The following UNCX variants were observed in gnomAD, a reference collection of about 807,000 sequenced individuals.
UNCX encodes UNC homeobox, also known as homeobox protein unc-4 homolog.
UNCX carries 4 observed loss-of-function variants against 14.8 expected under a neutral mutation model. That is an observed-to-expected ratio of 0.27 (90% CI 0.13 to 0.62). UNCX has a LOEUF of 0.62. Among genes scored for constraint, UNCX ranks in the 20% least tolerant of loss-of-function variants. UNCX has a pLI of 0.86. For synonymous variants in UNCX, 459 were observed against 395.8 expected, an observed-to-expected ratio of 1.16 and a Z score of -1.90; for missense variants, 749 against 786.8, an observed-to-expected ratio of 0.95 and a Z score of 0.58.
Position 1,236,864 on chromosome 7 carries a change from C to T in UNCX, c.1483C>T (p.Pro495Ser). The stretch of plus-strand genomic sequence containing the variant: ...CCCGCCGCCCGCGCCGTCGCCCAGG[C>T]CCGGCCCTCGGCCTCCCAGCCCCGC... ...APPPPAPSPR[P>S]GPRPPSPAEE... is the part of the protein sequence containing the mutation. Residue 495 changes from proline (P) to serine (S), a missense_variant, in exon 3 of 3, where the codon CCC becomes TCC. This residue lies in a region of UNCX where 552 missense variants were observed against 507.2 expected (regional missense o/e 1.09). Transcript: ENST00000316333. This position sits in a 1 kb window ranked among gnomAD's most constrained non-coding sequence, Gnocchi z 6.9. 9.6e-7 allele frequency: 1 copy of T among 1,042,022 alleles called. No homozygotes were observed. The highest frequency in any genetic ancestry group is 1.2e-6 in the Non-Finnish European group (1 of 868,310). 64.5% of individuals were successfully genotyped at this position (1,042,022 alleles called of 1,614,324 possible). A position where few individuals can be genotyped will look rare whatever the true frequency, so the allele number is the denominator to read the frequency against.
intron 2 of UNCX, among the ~76,000 whole-genome samples, chr7:1,235,509 C>G (rs760339612): frequency 9.2e-5 from 14 of 152,216 alleles, no homozygotes; most frequent in Non-Finnish European, 1.8e-4. Context: ...GCCTCCGGAC[C>G]AGGAACCCGA....
chr7:1,236,579 G>C lies in UNCX; in HGVS notation c.1198G>C (p.Ala400Pro), dbSNP rs779314736. 1.5e-6 allele frequency: 2 copies of C among 1,298,934 alleles called. No individual in the cohort carries two copies. The highest frequency in any genetic ancestry group is 2.0e-6 in the Non-Finnish European group (2 of 1,012,696). 80.5% of individuals were successfully genotyped at this position (1,298,934 alleles called of 1,614,324 possible). The change falls in exon 3 of 3, where the codon GCG (alanine) becomes CCG (proline). Residue 400 changes from alanine to proline, a missense_variant. Physicochemically the swap from Ala to Pro is conservative, Grantham distance 27 (BLOSUM62 -1). Around this residue, in one of 3 missense-constraint regions of UNCX, gnomAD observed 552 missense variants for 507.2 expected, o/e 1.09. Coordinates refer to ENST00000316333, the MANE Select transcript of UNCX (RefSeq NM_001080461.3). This position sits in a 1 kb window ranked among gnomAD's most constrained non-coding sequence, Gnocchi z 6.9. ...GCCGCAGGCCGCGCTCAAGGGCGGCGCGGGCCTGGAGCCGGCGCCCAAGGA... is the reference window on the plus strand; with the variant it reads ...GCCGCAGGCCGCGCTCAAGGGCGGCCCGGGCCTGGAGCCGGCGCCCAAGGA... Reference protein sequence around the residue: ...LVPQAALKGGAGLEPAPKDAP... With the variant: ...LVPQAALKGGPGLEPAPKDAP...
chr7:1,235,645 G>A (rs1584082685), intron 2 of UNCX, among the ~76,000 whole-genome samples, 187 bp from the exon 3 acceptor site: 1 of 152,372 alleles, frequency 6.6e-6, no homozygotes, highest in East Asian at 1.9e-4. Flanking sequence ...TGGAAAAGGC[G>A]CTCGCTGGAA....
intron 2 of UNCX, 130 bp from the exon 3 acceptor site, chr7:1,235,702 G>C: frequency 1.2e-6 from 1 of 806,810 alleles, no homozygotes; most frequent in Non-Finnish European, 1.9e-6. Context: ...GCTCGGCCGC[G>C]CGGCTTCACT....
Position 1,236,052 on chromosome 7 carries a change from G to C in UNCX, c.671G>C (p.Gly224Ala). ...GGCCGCCACTTGCACTCGCCCGGCGGCCTGTCCCTGCACAGCGCGCCCAGC... is the reference window on the plus strand; with the variant it reads ...GGCCGCCACTTGCACTCGCCCGGCGCCCTGTCCCTGCACAGCGCGCCCAGC... ...SQGRHLHSPG[G>A]LSLHSAPSSD... The change falls in exon 3 of 3, where the codon GGC (glycine) becomes GCC (alanine). Residue 224 changes from glycine (G) to alanine (A), a missense_variant. Physicochemically the swap from Gly to Ala is moderately conservative, Grantham distance 60. Coordinates refer to ENST00000316333, the MANE Select transcript of UNCX (RefSeq NM_001080461.3). The surrounding 1 kb of genome is among the most constrained non-coding windows in gnomAD (Gnocchi z 6.9). 1 of 1,599,802 alleles carries C rather than the reference G, an allele frequency of 6.3e-7. No individual in the cohort carries two copies. The highest frequency in any genetic ancestry group is 8.5e-7 in the Non-Finnish European group (1 of 1,174,438).
chr7:1,234,076 A>ACCCCCCCCCCCC (rs751327990), intron 2 of UNCX, among the ~76,000 whole-genome samples: 1 of 126,614 alleles, frequency 7.9e-6, no homozygotes, highest in African/African-American at 3.0e-5. Flanking sequence ...AGGGAAGGGG[A>ACCCCCCCCCCCC]CCCCCCCCCG....
In UNCX at chr7:1,235,945, C is replaced by G. The variant is rs965445331; in HGVS notation, c.564C>G (p.Asp188Glu). ...CCACGTGCAGCGGCGAGCCCATGGA[C>G]CCGGAGGAGATCGCGCGCAAGGAGC... is the stretch of plus-strand genomic sequence containing the variant. ...HPTTCSGEPMDPEEIARKELE... is the reference protein window; with the variant it reads ...HPTTCSGEPMEPEEIARKELE... Residue 188 changes from aspartate (D) to glutamate (E), a missense_variant, in exon 3 of 3, where the codon GAC becomes GAG. Around this residue, in one of 3 missense-constraint regions of UNCX, gnomAD observed 552 missense variants for 507.2 expected, o/e 1.09. Transcript: ENST00000316333. 1.9e-6 allele frequency: 3 copies of G among 1,612,416 alleles called. No individual in the cohort carries two copies. The highest frequency in any genetic ancestry group is 2.5e-6 in the Non-Finnish European group (3 of 1,179,670).
Position 1,233,415 on chromosome 7 carries a change from G to GCA in UNCX, c.275-104_275-103insAC, listed in dbSNP as rs562558370. On this transcript the variant is annotated intron_variant, in intron 1 of 2. Coordinates refer to ENST00000316333, the MANE Select transcript of UNCX (RefSeq NM_001080461.3). The surrounding 1 kb of genome is among the most constrained non-coding windows in gnomAD (Gnocchi z 5.3). ...CCGGCTCCTAGGCGGCCGTCTCTGC[G>GCA]CCCCCCCCCCCGGATCCAGGCGGCC... is the stretch of plus-strand genomic sequence containing the variant. 2.6e-6 allele frequency: 3 copies of GCA among 1,135,038 alleles called. No homozygotes were observed. Among genetic ancestry groups the GCA allele is most frequent in the Non-Finnish European group, 3.3e-6 (3 of 897,338 alleles). 70.3% of individuals were successfully genotyped at this position (1,135,038 alleles called of 1,614,324 possible).
Position 1,233,128 on chromosome 7 carries a change from C to G in UNCX, c.111C>G (p.Ala37=). The G allele has an allele frequency of 6.8e-7, 1 of 1,465,086 alleles. No individual in the cohort carries two copies. The highest frequency in any genetic ancestry group is 9.0e-7 in the Non-Finnish European group (1 of 1,112,464). 90.8% of individuals were successfully genotyped at this position (1,465,086 alleles called of 1,614,324 possible). The change falls in exon 1 of 3, where the codon GCC becomes GCG. Residue 37 remains alanine (A), a synonymous_variant. Coordinates refer to ENST00000316333, the MANE Select transcript of UNCX (RefSeq NM_001080461.3). This position sits in a 1 kb window ranked among gnomAD's most constrained non-coding sequence, Gnocchi z 5.3. ...GCCACCACCACGTGTACGAGCTGGC[C>G]GGGCACCAGCTGCAGTCGGCCGCCG... is the stretch of plus-strand genomic sequence containing the variant. ...PLGHHHVYEL[A]GHQLQSAAAA...
Position 1,233,350 on chromosome 7 carries a change from C to T in UNCX, c.274+59C>T. The T allele has an allele frequency of 1.5e-6, 2 of 1,324,054 alleles. No homozygotes were observed. Among genetic ancestry groups the T allele is most frequent in the Non-Finnish European group, 1.9e-6 (2 of 1,044,112 alleles). 82.0% of individuals were successfully genotyped at this position (1,324,054 alleles called of 1,614,324 possible). A position where few individuals can be genotyped will look rare whatever the true frequency, so the allele number is the denominator to read the frequency against. On this transcript the variant is annotated intron_variant, in intron 1 of 2. Transcript: ENST00000316333. This position sits in a 1 kb window ranked among gnomAD's most constrained non-coding sequence, Gnocchi z 5.3. ...GCGGCTGGGGGCGGGGGCCCTGGTC[C>T]GGCCGAGGCGCTGGGGGGCCCGGGG...
chr7:1,233,629 C>T lies in UNCX; in HGVS notation c.384C>T (p.His128=), dbSNP rs1778686944. The T allele has an allele frequency of 1.2e-6, 2 of 1,613,046 alleles. No homozygotes were observed. Among genetic ancestry groups the T allele is most frequent in the African/African-American group, 2.7e-5 (2 of 74,926 alleles). The change falls in exon 2 of 3, where the codon CAC becomes CAT. Residue 128 remains histidine, a synonymous_variant. Coordinates refer to ENST00000316333, the MANE Select transcript of UNCX (RefSeq NM_001080461.3). The surrounding 1 kb of genome is among the most constrained non-coding windows in gnomAD (Gnocchi z 5.3). ...EELEKAFNES[H]YPDVFMREAL... ...TGGAGAAGGCGTTCAACGAGAGCCA[C>T]TATCCCGACGTGTTCATGCGCGAGG...
chr7:1,236,295 A>G lies in UNCX; in HGVS notation c.914A>G (p.Lys305Arg). Residue 305 changes from lysine to arginine, a missense_variant, in exon 3 of 3, where the codon AAG (lysine) becomes AGG (arginine). Physicochemically the swap from Lys to Arg is conservative, Grantham distance 26. This residue lies in a region of UNCX where 552 missense variants were observed against 507.2 expected (regional missense o/e 1.09). Coordinates refer to ENST00000316333, the MANE Select transcript of UNCX (RefSeq NM_001080461.3). This position sits in a 1 kb window ranked among gnomAD's most constrained non-coding sequence, Gnocchi z 6.9. ...CCGCGCCCAGGTCGCCCTGCGGACA[A>G]GGACGCGGCCTCGTGCGGGCCAGGG... Reference protein sequence around the residue: ...PQPRPGRPADKDAASCGPGAA... With the variant: ...PQPRPGRPADRDAASCGPGAA... The G allele has an allele frequency of 2.2e-6, 3 of 1,370,482 alleles. No homozygotes were observed. Among genetic ancestry groups the G allele is most frequent in the Non-Finnish European group, 1.9e-6 (2 of 1,056,670 alleles). 84.9% of individuals were successfully genotyped at this position (1,370,482 alleles called of 1,614,324 possible). A position where few individuals can be genotyped will look rare whatever the true frequency, so the allele number is the denominator to read the frequency against.
chr7:1,233,197 C>T lies in UNCX; in HGVS notation c.180C>T (p.Gly60=). Residue 60 remains glycine (G), a synonymous_variant, in exon 1 of 3, where the codon GGC becomes GGT. Coordinates refer to ENST00000316333, the MANE Select transcript of UNCX (RefSeq NM_001080461.3). This position sits in a 1 kb window ranked among gnomAD's most constrained non-coding sequence, Gnocchi z 5.3. ...VPFSIDGLLG[G]SCAAAASVVN... is the part of the protein sequence containing the mutation. ...TCTCCATCGACGGCCTGCTCGGGGG[C>T]TCGTGCGCCGCCGCCGCCTCGGTGG... is the stretch of plus-strand genomic sequence containing the variant. 3 of 1,446,794 alleles carry T rather than the reference C, an allele frequency of 2.1e-6. No individual in the cohort carries two copies. The highest frequency in any genetic ancestry group is 2.7e-6 in the Non-Finnish European group (3 of 1,102,484). The allele number at this position is 1,446,794 out of a possible 1,614,324, so 89.6% of individuals were successfully genotyped here.
Position 1,236,440 on chromosome 7 carries a change from C to T in UNCX, c.1059C>T (p.Ala353=). Residue 353 remains alanine (A), a synonymous_variant, in exon 3 of 3, where the codon GCC becomes GCT. Transcript: ENST00000316333. This position sits in a 1 kb window ranked among gnomAD's most constrained non-coding sequence, Gnocchi z 6.9. The part of the protein sequence containing the change: ...PRRKAASNAA[A]AAAAGLDFAP... ...GGAAAGCCGCTTCCAACGCCGCCGC[C>T]GCCGCCGCCGCGGGGCTGGACTTCG... The T allele has an allele frequency of 2.9e-6, 4 of 1,364,982 alleles. No individual in the cohort carries two copies. The South Asian group carries it at 5.9e-5, about 20-fold the overall frequency. 84.6% of individuals were successfully genotyped at this position (1,364,982 alleles called of 1,614,324 possible).
At position 1,232,981 on chromosome 7, in the gene UNCX, G is replaced by C; in HGVS notation, c.-37G>C. The stretch of plus-strand genomic sequence containing the variant: ...CGCCCCGGCCCCGGCCCGCGCCCCC[G>C]CGCCCCGCCACCGGCCCCGCCGGCC... On this transcript the variant is annotated 5_prime_UTR_variant, in exon 1 of 3. Coordinates refer to ENST00000316333, the MANE Select transcript of UNCX (RefSeq NM_001080461.3). 2.8e-6 allele frequency: 3 copies of C among 1,064,804 alleles called. No homozygotes were observed. Among genetic ancestry groups the C allele is most frequent in the Non-Finnish European group, 3.4e-6 (3 of 873,184 alleles). The allele number at this position is 1,064,804 out of a possible 1,614,324, so 66.0% of individuals were successfully genotyped here. A position where few individuals can be genotyped will look rare whatever the true frequency, so the allele number is the denominator to read the frequency against.
In UNCX at chr7:1,236,099, G is replaced by A. The variant is rs200913289; in HGVS notation, c.718G>A (p.Gly240Ser). The change falls in exon 3 of 3, where the codon GGC becomes AGC. Residue 240 changes from glycine (G) to serine (S), a missense_variant. Gly to Ser is a moderately conservative substitution (Grantham distance 56, BLOSUM62 0). Coordinates refer to ENST00000316333, the MANE Select transcript of UNCX (RefSeq NM_001080461.3). This position sits in a 1 kb window ranked among gnomAD's most constrained non-coding sequence, Gnocchi z 6.9. ...APSSDSDSGG[G>S]GLSPEPPEPP... ...CAGCTCCGACAGCGACAGCGGCGGC[G>A]GCGGCCTGTCTCCGGAGCCGCCCGA... 1.1e-3 allele frequency: 1,632 copies of A among 1,520,084 alleles called. 15 individuals are homozygous for A. In the African/African-American group the frequency reaches 0.021, roughly 20 times the overall value. 94.2% of individuals were successfully genotyped at this position (1,520,084 alleles called of 1,614,324 possible).
intron 2 of UNCX, among the ~76,000 whole-genome samples, chr7:1,234,484 T>C (rs1778704589): frequency 6.6e-6 from 1 of 151,848 alleles, no homozygotes; most frequent in South Asian, 2.1e-4. Context: ...GTGGGTGCGG[T>C]GTGGGGTCCA....
rs1182048334 is a variant in UNCX at position 1,232,917 on chromosome 7, T to TGTCTCC, written c.-99_-94dup. On this transcript the variant is annotated 5_prime_UTR_variant, in exon 1 of 3. Coordinates refer to ENST00000316333, the MANE Select transcript of UNCX (RefSeq NM_001080461.3). ...AAGCATGTGTGGGGCTCCGGGTCCC[T>TGTCTCC]GTCTCCGCCGCCGCCGCCCGCGCCT... 2.4e-5 allele frequency: 14 copies of TGTCTCC among 582,760 alleles called. No homozygotes were observed. Among genetic ancestry groups the TGTCTCC allele is most frequent in the Non-Finnish European group, 3.0e-5 (14 of 464,304 alleles). The allele number at this position is 582,760 out of a possible 1,614,324, so 36.1% of individuals were successfully genotyped here.
rs1056608181 is a variant in UNCX, at chr7:1,236,634, C to G, written c.1253C>G (p.Ala418Gly). Residue 418 changes from alanine to glycine, a missense_variant, in exon 3 of 3, where the codon GCG (alanine) becomes GGG (glycine). This residue lies in a region of UNCX where 552 missense variants were observed against 507.2 expected (regional missense o/e 1.09). Transcript: ENST00000316333. This position sits in a 1 kb window ranked among gnomAD's most constrained non-coding sequence, Gnocchi z 6.9. ...DAPPAPAVPP[A>G]PPAQASFGAF... is the part of the protein sequence containing the mutation. ...CCGCCCGCGCCCGCCGTGCCGCCCG[C>G]GCCGCCTGCCCAGGCCAGTTTCGGG... is the stretch of plus-strand genomic sequence containing the variant. 1 of 1,051,560 alleles carries G rather than the reference C, an allele frequency of 9.5e-7. No individual in the cohort carries two copies. The highest frequency in any genetic ancestry group is 1.1e-6 in the Non-Finnish European group (1 of 878,960). The allele number at this position is 1,051,560 out of a possible 1,614,324, so 65.1% of individuals were successfully genotyped here. A position where few individuals can be genotyped will look rare whatever the true frequency, so the allele number is the denominator to read the frequency against.
Sources: allele counts gnomAD v4.1 joint callset (sites outside exome capture counted in the v4.1 genomes callset), GRCh38; gene constraint gnomAD v4.1.1; regional missense constraint gnomAD v4.1.1; non-coding constraint Gnocchi (gnomAD v3.1); transcripts MANE v1.5; gene names NCBI Gene and HGNC (gene_info 2026-07-23, HGNC 2026-07-21).